The following DIAPH3 variants were observed in gnomAD, a reference collection of about 807,000 sequenced individuals.
DIAPH3 encodes protein diaphanous homolog 3.
In DIAPH3, 117 loss-of-function variants were observed where a neutral mutation model predicts 144.3. The observed-to-expected ratio is 0.81, with a 90% CI of 0.70 to 0.95. The LOEUF is 0.95. Among genes scored for constraint, DIAPH3 ranks in the 40% least tolerant of loss-of-function variants. DIAPH3 has a pLI of 0.00. For missense variants in DIAPH3, 1,421 were observed against 1,412.7 expected (o/e 1.01, Z -0.09); for synonymous variants, 519 against 488.9 (o/e 1.06, Z -0.81).
chr13:59,698,761 C>T (rs2033947738), intron 27 of DIAPH3, among the ~76,000 whole-genome samples: 1 of 152,024 alleles, frequency 6.6e-6, no homozygotes, highest in Non-Finnish European at 1.5e-5. Flanking sequence ...CTATGAGTAA[C>T]ACAAATACTG....
chr13:59,775,037 G>T (rs2038326252), intron 25 of DIAPH3, among the ~76,000 whole-genome samples: 1 of 152,236 alleles, frequency 6.6e-6, no homozygotes, highest in Non-Finnish European at 1.5e-5. Flanking sequence ...ATGTTACTGT[G>T]CACTAAAGGG....
intron 27 of DIAPH3, among the ~76,000 whole-genome samples, chr13:59,714,761 C>A (rs1766110429): frequency 6.6e-6 from 1 of 152,084 alleles, no homozygotes; most frequent in Non-Finnish European, 1.5e-5. Context: ...AACAAGAAAT[C>A]CTAAGTTTTG....
chr13:60,078,766 T>C (rs979473312), intron 4 of DIAPH3, among the ~76,000 whole-genome samples: 2 of 151,998 alleles, frequency 1.3e-5, no homozygotes, highest in African/African-American at 2.4e-5. Flanking sequence ...ATAACAAATA[T>C]GAGGTATAGA....
At chr13:60,060,179 C>CA (rs2056710761) in intron 4 of DIAPH3, among the ~76,000 whole-genome samples, 1 of 151,928 alleles carries the variant, frequency 6.6e-6, no homozygotes, top group Admixed American at 6.6e-5. Context: ...AAAACATAAA[C>CA]AGAACAAAAT....
At chr13:60,070,682 C>A (rs2057173326) in intron 4 of DIAPH3, among the ~76,000 whole-genome samples, 1 of 152,104 alleles carries the variant, frequency 6.6e-6, no homozygotes, top group Admixed American at 6.6e-5. Flanking sequence ...TCAAGTTAGG[C>A]TTCTGTCACT....
At chr13:59,754,974 A>G (rs1032560012) in intron 27 of DIAPH3, among the ~76,000 whole-genome samples, 6 of 152,234 alleles carry the variant, frequency 3.9e-5, no homozygotes, top group Admixed American at 2.0e-4. Flanking sequence ...CACAGCTAGT[A>G]AAGTGGCAAC....
At chr13:59,990,037 T>G (rs570213591) in intron 12 of DIAPH3, among the ~76,000 whole-genome samples, 2 of 152,042 alleles carry the variant, frequency 1.3e-5, no homozygotes, top group African/African-American at 4.8e-5. Flanking sequence ...ATGGTACAAA[T>G]GATATTTTAA....
At chr13:59,842,616 C>T (rs1159861034) in intron 22 of DIAPH3, among the ~76,000 whole-genome samples, 2 of 152,108 alleles carry the variant, frequency 1.3e-5, no homozygotes, top group East Asian at 3.9e-4. Context: ...CAAAACTACC[C>T]TCATTTCAGA....
chr13:60,044,931 C>A (rs927389368), intron 4 of DIAPH3, among the ~76,000 whole-genome samples: 1 of 152,190 alleles, frequency 6.6e-6, no homozygotes, highest in Non-Finnish European at 1.5e-5. Context: ...TCGCTTGGCA[C>A]TTCTTGCCTG....
intron 4 of DIAPH3, among the ~76,000 whole-genome samples, chr13:60,066,368 T>TG (rs1422287931): frequency 4.6e-5 from 7 of 152,206 alleles, no homozygotes; most frequent in African/African-American, 1.4e-4. Context: ...AATTAATTTG[T>TG]ATAGTCACCA....
chr13:59,953,104 T>G (rs556180868), intron 17 of DIAPH3, among the ~76,000 whole-genome samples: 1 of 152,102 alleles, frequency 6.6e-6, no homozygotes, highest in African/African-American at 2.4e-5. Context: ...CAGGATTAAT[T>G]TGGGAGTTGA....
chr13:59,957,665 A>T (rs544374742), intron 17 of DIAPH3, among the ~76,000 whole-genome samples: 19 of 152,372 alleles, frequency 1.2e-4, no homozygotes, highest in Middle Eastern at 6.8e-3. Context: ...TAATGAAAAC[A>T]CAAACAACTG....
At chr13:60,104,589 C>CACACACACA (rs1333925754) in intron 3 of DIAPH3, among the ~76,000 whole-genome samples, 4 of 148,912 alleles carry the variant, frequency 2.7e-5, no homozygotes, top group African/African-American at 1.0e-4. Context: ...CACACACACA[C>CACACACACA]ACACACGATG....
intron 5 of DIAPH3, among the ~76,000 whole-genome samples, chr13:60,021,881 T>G (rs894210554): frequency 6.6e-6 from 1 of 152,084 alleles, no homozygotes; most frequent in Admixed American, 6.5e-5. Flanking sequence ...GCAAATTGAG[T>G]TGAGTCTCTT....
chr13:60,036,463 C>A (rs1187649975), intron 5 of DIAPH3, among the ~76,000 whole-genome samples: 3 of 151,326 alleles, frequency 2.0e-5, no homozygotes, highest in African/African-American at 7.3e-5. Context: ...ATTTAAATAG[C>A]CACAGGCAGC....
intron 27 of DIAPH3, among the ~76,000 whole-genome samples, chr13:59,716,770 T>G (rs2138872839): frequency 6.6e-6 from 1 of 152,280 alleles, no homozygotes; most frequent in South Asian, 2.1e-4. Flanking sequence ...TTTGCTCCCT[T>G]AATACATATA....
intron 1 of DIAPH3, among the ~76,000 whole-genome samples, chr13:60,152,941 AC>A (rs1951865161): frequency 1.3e-5 from 2 of 152,156 alleles, no homozygotes. Context: ...GGTACCCCAA[AC>A]TGTGGTCTAC....
chr13:60,129,845 C>A (rs1361996251), intron 2 of DIAPH3, among the ~76,000 whole-genome samples: 1 of 152,228 alleles, frequency 6.6e-6, no homozygotes, highest in Non-Finnish European at 1.5e-5. Flanking sequence ...AAATATCCAG[C>A]TACCCTTTCC....
intron 9 of DIAPH3, among the ~76,000 whole-genome samples, chr13:59,993,910 AG>A (rs1467093557): frequency 4.0e-5 from 6 of 151,834 alleles, no homozygotes; most frequent in Non-Finnish European, 8.8e-5. Flanking sequence ...CTCTACATTC[AG>A]AGAAACTAAA....
Sources: allele counts gnomAD v4.1 joint callset (sites outside exome capture counted in the v4.1 genomes callset), GRCh38; gene constraint gnomAD v4.1.1; transcripts MANE v1.5; gene names NCBI Gene and HGNC (gene_info 2026-07-23, HGNC 2026-07-21).